Variants in SPPL3 observed in about 807,000 individuals in gnomAD.
SPPL3 encodes the protein signal peptide peptidase like 3.
A neutral mutation model predicts 42.4 loss-of-function variants in SPPL3; 5 were observed. The ratio of observed to expected loss-of-function variants is 0.12; its 90% CI spans 0.06 to 0.25. The LOEUF is 0.25. SPPL3 is among the 10% of genes least tolerant of loss of function. SPPL3 has a pLI of 1.00. For synonymous variants in SPPL3, 195 were observed against 181.8 expected (o/e 1.07, Z -0.58); for missense variants, 235 against 489.0 (o/e 0.48, Z 4.90).
chr12:120,850,677 A>C (rs140995753), intron 1 of SPPL3, among the ~76,000 whole-genome samples: 75 of 152,344 alleles, frequency 4.9e-4, no homozygotes, highest in African/African-American at 1.7e-3. Flanking sequence ...ATTACCACAA[A>C]TACTGACTTT....
rs561112973 is a variant in SPPL3, at chr12:120,843,659, C to T, written c.24-32773G>A. Among the ~76,000 whole-genome samples the T allele has an allele frequency of 2.6e-5, 4 of 152,278 alleles. No homozygotes were observed. The South Asian group carries it at 8.3e-4, about 32-fold the overall frequency. ...CTTAGAAAGTCCAATGGTTTCAAAACATTTGTTCTCAGGCCAGGCGGGGTG... is the reference window on the plus strand; with the variant it reads ...CTTAGAAAGTCCAATGGTTTCAAAATATTTGTTCTCAGGCCAGGCGGGGTG... On this transcript the variant is annotated intron_variant, in intron 1 of 10. Coordinates refer to ENST00000353487, the MANE Select transcript of SPPL3 (RefSeq NM_139015.5).
intron 1 of SPPL3, among the ~76,000 whole-genome samples, chr12:120,902,628 G>C (rs542969425): frequency 6.6e-6 from 1 of 152,246 alleles, no homozygotes; most frequent in South Asian, 2.1e-4. Context: ...GTGGCAAACC[G>C]GACCTCCGAA....
intron 2 of SPPL3, chr12:120,792,053 C>A (rs980227398): frequency 1.3e-5 from 2 of 153,470 alleles, no homozygotes; most frequent in Non-Finnish European, 2.9e-5. Context: ...CAATAAATAG[C>A]AAACACAAGA....
chr12:120,894,634 G>C (rs1873744767), intron 1 of SPPL3, among the ~76,000 whole-genome samples: 1 of 152,174 alleles, frequency 6.6e-6, no homozygotes, highest in Non-Finnish European at 1.5e-5. Context: ...TGTCAGGCAT[G>C]GTGTGGGATA....
Position 120,791,546 on chromosome 12 carries a change from A to C in SPPL3, c.113T>G (p.Met38Arg). 6.3e-7 allele frequency: 1 copy of C among 1,598,634 alleles called. No homozygotes were observed. Among genetic ancestry groups the C allele is most frequent in the Non-Finnish European group, 8.5e-7 (1 of 1,176,796 alleles). Reference protein sequence around the residue: ...IVYGSFRSLNMDFENQDKEKD... With the variant: ...IVYGSFRSLNRDFENQDKEKD... ...CTCCTTATCTTGATTTTCAAAGTCC[A>C]TATTAAGGGACCTGTGGAAAAAAAT... Residue 38 changes from methionine to arginine, a missense_variant, in exon 3 of 11, where the codon ATG (methionine) becomes AGG (arginine). Around this residue, in one of 6 missense-constraint regions of SPPL3, gnomAD observed 110 missense variants for 186.2 expected, o/e 0.59. Transcript: ENST00000353487.
chr12:120,830,580 G>GGAGAGAGAGA (rs151140429), intron 1 of SPPL3, among the ~76,000 whole-genome samples: 84 of 7,296 alleles, frequency 0.012, 10 homozygotes, highest in Middle Eastern at 0.2. Flanking sequence ...AGGGGGGGAA[G>GGAGAGAGAGA]GAGAGAGAGA....
At chr12:120,816,463 T>C (rs1870879143) in intron 1 of SPPL3, among the ~76,000 whole-genome samples, 1 of 152,260 alleles carries the variant, frequency 6.6e-6, no homozygotes, top group African/African-American at 2.4e-5. Flanking sequence ...ACGATGTTAT[T>C]TGAAATTTCA....
At chr12:120,830,264 G>A (rs1184820504) in intron 1 of SPPL3, among the ~76,000 whole-genome samples, 1 of 54,250 alleles carries the variant, frequency 1.8e-5, no homozygotes, top group Non-Finnish European at 3.6e-5. Context: ...AACACCATCA[G>A]CTGAAACGAG....
At chr12:120,858,351 T>G (rs1363596399) in intron 1 of SPPL3, among the ~76,000 whole-genome samples, 1 of 151,302 alleles carries the variant, frequency 6.6e-6, no homozygotes, top group Non-Finnish European at 1.5e-5. Flanking sequence ...TCCCAGCTAC[T>G]CAAGAGGCTG....
intron 1 of SPPL3, among the ~76,000 whole-genome samples, chr12:120,871,529 G>A (rs1380622986): frequency 6.6e-6 from 1 of 152,112 alleles, no homozygotes. Context: ...GAGATGAGTG[G>A]ATCATTTGAG....
chr12:120,771,378 C>G (rs1869115987), intron 6 of SPPL3, among the ~76,000 whole-genome samples: 1 of 152,222 alleles, frequency 6.6e-6, no homozygotes, highest in Non-Finnish European at 1.5e-5. Context: ...TTACTGTGCC[C>G]TCTGCCTGAA....
chr12:120,764,851 A>C lies in SPPL3; in HGVS notation c.*148T>G. The C allele has an allele frequency of 1.2e-6, 1 of 809,220 alleles. No individual in the cohort carries two copies. The highest frequency in any genetic ancestry group is 1.9e-6 in the Non-Finnish European group (1 of 530,980). The allele number at this position is 809,220 out of a possible 1,614,324, so 50.1% of individuals were successfully genotyped here. The stretch of plus-strand genomic sequence containing the variant: ...CTCCAGCACCTCTCTCCTGCAAACG[A>C]GCTCCCTTTAAATGCCAAATCCAGT... On this transcript the variant is annotated 3_prime_UTR_variant, in exon 11 of 11. Transcript: ENST00000353487.
At chr12:120,826,395 G>A (rs1871234127) in intron 1 of SPPL3, among the ~76,000 whole-genome samples, 1 of 151,906 alleles carries the variant, frequency 6.6e-6, no homozygotes, top group Admixed American at 6.6e-5. Context: ...AACAGTGCTG[G>A]ATACCTGACT....
At chr12:120,898,259 G>A (rs1040665892) in intron 1 of SPPL3, among the ~76,000 whole-genome samples, 1 of 141,256 alleles carries the variant, frequency 7.1e-6, no homozygotes, top group African/African-American at 2.7e-5. Context: ...AGTCGAGATC[G>A]TGCCACCACA....
In SPPL3 at chr12:120,810,745, T is replaced by C. The variant is rs771202670; in HGVS notation, c.101+64A>G. On this transcript the variant is annotated intron_variant, in intron 2 of 10. Transcript: ENST00000353487. ...ACAGAGTAAGTTTTGGTACCAGCAC[T>C]TTCAGAGCAATGCTTCCTTCTTCCA... The C allele has an allele frequency of 2.3e-5, 30 of 1,331,984 alleles. No individual in the cohort carries two copies. The South Asian group carries it at 3.6e-4, about 16-fold the overall frequency. The allele number at this position is 1,331,984 out of a possible 1,614,324, so 82.5% of individuals were successfully genotyped here.
intron 1 of SPPL3, among the ~76,000 whole-genome samples, chr12:120,835,908 G>C (rs1229153114): frequency 6.6e-6 from 1 of 152,122 alleles, no homozygotes; most frequent in Admixed American, 6.6e-5. Context: ...TTAAATTCTG[G>C]CAACTTCCCT....
intron 1 of SPPL3, among the ~76,000 whole-genome samples, chr12:120,870,268 A>G (rs1051312900): frequency 6.6e-6 from 1 of 152,084 alleles, no homozygotes; most frequent in Admixed American, 6.6e-5. Flanking sequence ...CAACATGGAG[A>G]AACCCCATCT....
chr12:120,882,515 C>T (rs766625598), intron 1 of SPPL3, among the ~76,000 whole-genome samples: 12 of 152,012 alleles, frequency 7.9e-5, no homozygotes, highest in Non-Finnish European at 1.8e-4. Flanking sequence ...AGAAAGAAAA[C>T]TGGTTATAAG....
Position 120,903,988 on chromosome 12 carries a change from G to T in SPPL3, c.-121C>A. 1.2e-6 allele frequency: 1 copy of T among 850,198 alleles called. No homozygotes were observed. The highest frequency in any genetic ancestry group is 1.6e-6 in the Non-Finnish European group (1 of 643,968). The allele number at this position is 850,198 out of a possible 1,614,324, so 52.7% of individuals were successfully genotyped here. A position where few individuals can be genotyped will look rare whatever the true frequency, so the allele number is the denominator to read the frequency against. ...TGCTTGCTTGCTTGCTCGCTCGCTG[G>T]CTCGCTGGCTGCACGGCGGGCCGGG... On this transcript the variant is annotated 5_prime_UTR_variant, in exon 1 of 11. Coordinates refer to ENST00000353487, the MANE Select transcript of SPPL3 (RefSeq NM_139015.5).
Sources: gnomAD v4.1 joint callset for allele counts (sites outside exome capture counted in the v4.1 genomes callset) on GRCh38, gnomAD v4.1.1 for gene constraint, gnomAD v4.1.1 regional missense constraint, MANE v1.5 for transcripts, NCBI Gene and HGNC (gene_info 2026-07-23, HGNC 2026-07-21) for gene names.